FBXL17: variants seen among roughly 807,000 people sequenced by gnomAD.
The protein encoded by FBXL17 is F-box and leucine rich repeat protein 17, also known as F-box/LRR-repeat protein 17.
A neutral mutation model predicts 66.2 loss-of-function variants in FBXL17; 22 were observed. That is an observed-to-expected ratio of 0.33 (90% CI 0.24 to 0.47). The LOEUF (loss-of-function observed/expected upper bound fraction) is 0.47, where lower values mean the gene tolerates loss of function less well. Among genes scored for constraint, FBXL17 ranks in the 20% least tolerant of loss-of-function variants. The probability of loss-of-function intolerance (pLI) is 1.00; values close to 1 mark genes in which losing one functional copy is unlikely to be tolerated. For synonymous variants in FBXL17, 474 were observed against 400.5 expected (o/e 1.18, Z -2.19); for missense variants, 878 against 948.2 (o/e 0.93, Z 0.97).
At chr5:108,150,380 T>C (rs765728242) in intron 6 of FBXL17, among the ~76,000 whole-genome samples, 7 of 152,130 alleles carry the variant, frequency 4.6e-5, no homozygotes, top group Non-Finnish European at 1.0e-4. Context: ...ACTTTTTTAC[T>C]TTTTGCAGAG....
intron 5 of FBXL17, among the ~76,000 whole-genome samples, chr5:108,214,091 T>A (rs1273049306): frequency 6.6e-6 from 1 of 152,192 alleles, no homozygotes; most frequent in East Asian, 1.9e-4. Flanking sequence ...ATCACTTTTA[T>A]AACAACATAT....
intron 5 of FBXL17, among the ~76,000 whole-genome samples, chr5:108,189,617 G>A (rs1753385737): frequency 6.6e-6 from 1 of 152,068 alleles, no homozygotes; most frequent in Non-Finnish European, 1.5e-5. Flanking sequence ...CCCACGATTA[G>A]GATGGAAATT....
At chr5:108,347,594 G>A (rs1367023823) in intron 4 of FBXL17, among the ~76,000 whole-genome samples, 3 of 152,140 alleles carry the variant, frequency 2.0e-5, no homozygotes, top group East Asian at 3.9e-4. Flanking sequence ...CACGTATCAC[G>A]TGATTCCATT....
At chr5:108,319,141 C>T (rs1759504007) in intron 4 of FBXL17, among the ~76,000 whole-genome samples, 1 of 151,840 alleles carries the variant, frequency 6.6e-6, no homozygotes, top group Non-Finnish European at 1.5e-5. Flanking sequence ...TCCACTTAAA[C>T]TTATTTATCT....
At chr5:108,017,490 GACTATGCCACCAGGC>G (rs1754430626) in intron 7 of FBXL17, among the ~76,000 whole-genome samples, 1 of 152,164 alleles carries the variant, frequency 6.6e-6, no homozygotes, top group Non-Finnish European at 1.5e-5. Flanking sequence ...AGTGAGTGTC[GACTATGCCACCAGGC>G]ACTCCACAAG....
intron 7 of FBXL17, among the ~76,000 whole-genome samples, chr5:107,908,344 T>A (rs1230858101): frequency 6.6e-6 from 1 of 152,194 alleles, no homozygotes; most frequent in Non-Finnish European, 1.5e-5. Flanking sequence ...GAATCCACTT[T>A]TTAATTCAAC....
intron 4 of FBXL17, among the ~76,000 whole-genome samples, chr5:108,322,448 T>G (rs982151213): frequency 6.6e-6 from 1 of 151,984 alleles, no homozygotes; most frequent in Non-Finnish European, 1.5e-5. Flanking sequence ...CTAACTTTTA[T>G]GTAAATATCA....
intron 6 of FBXL17, among the ~76,000 whole-genome samples, chr5:108,150,309 T>C (rs1468925816): frequency 6.6e-6 from 1 of 152,092 alleles, no homozygotes; most frequent in Non-Finnish European, 1.5e-5. Flanking sequence ...GTCCAAGTGA[T>C]CCTCCCACCT....
chr5:108,046,443 T>C (rs577780122), intron 6 of FBXL17, among the ~76,000 whole-genome samples: 1 of 152,338 alleles, frequency 6.6e-6, no homozygotes, highest in South Asian at 2.1e-4. Flanking sequence ...ATACTTAATA[T>C]AATTATTGAT....
intron 6 of FBXL17, among the ~76,000 whole-genome samples, chr5:108,034,484 C>T (rs1307512116): frequency 6.6e-6 from 1 of 152,130 alleles, no homozygotes; most frequent in African/African-American, 2.4e-5. Context: ...ATACCATGTA[C>T]CTCCCAGCAG....
At chr5:108,159,137 A>C (rs911854447) in intron 6 of FBXL17, among the ~76,000 whole-genome samples, 2 of 152,194 alleles carry the variant, frequency 1.3e-5, no homozygotes, top group Non-Finnish European at 2.9e-5. Flanking sequence ...ATTACTACAG[A>C]CAGTTACTCT....
chr5:108,190,212 A>G (rs1257816109), intron 5 of FBXL17, among the ~76,000 whole-genome samples: 1 of 152,200 alleles, frequency 6.6e-6, no homozygotes, highest in African/African-American at 2.4e-5. Context: ...TAAATGCTGA[A>G]GCTCTCTGTC....
At chr5:107,991,781 A>G (rs1045650112) in intron 7 of FBXL17, among the ~76,000 whole-genome samples, 4 of 152,164 alleles carry the variant, frequency 2.6e-5, no homozygotes, top group African/African-American at 7.2e-5. Flanking sequence ...GAGAAGAACA[A>G]TCCTGCATGG....
chr5:107,980,377 A>T, intron 7 of FBXL17, among the ~76,000 whole-genome samples: 2 of 150,594 alleles, frequency 1.3e-5, no homozygotes. Context: ...ACAGATCTAA[A>T]ACCACCCACA....
At chr5:108,031,525 G>GC (rs1368078452) in intron 6 of FBXL17, among the ~76,000 whole-genome samples, 1 of 152,040 alleles carries the variant, frequency 6.6e-6, no homozygotes, top group African/African-American at 2.4e-5. Flanking sequence ...TTCAAAAGAA[G>GC]CTACAAAAAG....
chr5:107,951,065 G>A (rs186144390), intron 7 of FBXL17, among the ~76,000 whole-genome samples: 1 of 152,278 alleles, frequency 6.6e-6, no homozygotes, highest in Non-Finnish European at 1.5e-5. Flanking sequence ...GTCATCATGT[G>A]GTGAGCTGAG....
rs558856294 is a variant in FBXL17, at chr5:108,335,971, T to C, written c.1506+12428A>G. Among the ~76,000 whole-genome samples the C allele has an allele frequency of 2.1e-4, 32 of 152,246 alleles. No individual in the cohort carries two copies. In the South Asian group the frequency reaches 6.6e-3, roughly 32 times the overall value. ...AACAATAGTTTGGCAGAACCAACAC[T>C]TGTCCAATTTTTTCCCCTCTCAAAT... On this transcript the variant is annotated intron_variant, in intron 4 of 8. Coordinates refer to ENST00000542267, the MANE Select transcript of FBXL17 (RefSeq NM_001163315.3).
chr5:108,203,755 G>A (rs1454555661), intron 5 of FBXL17, among the ~76,000 whole-genome samples: 1 of 152,026 alleles, frequency 6.6e-6, no homozygotes, highest in Non-Finnish European at 1.5e-5. Context: ...TAAACCAATC[G>A]ATTGTTTGAA....
chr5:108,194,097 A>C (rs954095868), intron 5 of FBXL17, among the ~76,000 whole-genome samples: 7 of 152,142 alleles, frequency 4.6e-5, no homozygotes, highest in Non-Finnish European at 8.8e-5. Context: ...TTTCTGCTGC[A>C]AAAAGGAATC....
Sources: allele counts gnomAD v4.1 joint callset (sites outside exome capture counted in the v4.1 genomes callset), GRCh38; gene constraint gnomAD v4.1.1; transcripts MANE v1.5; gene names NCBI Gene and HGNC (gene_info 2026-07-23, HGNC 2026-07-21).